Variants in CFAP57 observed in about 807,000 individuals in gnomAD.
CFAP57 encodes the protein cilia and flagella associated protein 57.
Under a neutral mutation model 146.8 loss-of-function variants are expected in CFAP57, and 116 were observed. The observed-to-expected ratio is 0.79, with a 90% CI of 0.68 to 0.92. The LOEUF (loss-of-function observed/expected upper bound fraction) is 0.92. Ranked by LOEUF, CFAP57 falls within the 40% of genes least tolerant of loss-of-function variation. The pLI, the probability that CFAP57 is intolerant of heterozygous loss-of-function variation, is 0.00. For synonymous variants in CFAP57, 518 were observed against 552.8 expected (o/e 0.94, Z 0.88); for missense variants, 1,377 against 1,527.2 (o/e 0.90, Z 1.64).
In CFAP57 at chr1:43,183,854, G is replaced by T. The variant is rs1557733783; in HGVS notation, c.738G>T (p.Leu246=). Residue 246 remains leucine (L), a synonymous_variant, in exon 4 of 23, where the codon CTG becomes CTT. Coordinates refer to ENST00000372492, the MANE Select transcript of CFAP57 (RefSeq NM_001378189.1). ...AACCTACCAATGGCTCAAAGAGCCT[G>T]GATGTCATTCAGGAATCAGAGAGGT... ...VKEPTNGSKS[L]DVIQESESLI... is the part of the protein sequence containing the mutation. 1.2e-6 allele frequency: 2 copies of T among 1,614,122 alleles called. No homozygotes were observed. Among genetic ancestry groups the T allele is most frequent in the South Asian group, 1.1e-5 (1 of 91,048 alleles).
At chr1:43,215,202 C>A in intron 11 of CFAP57, 53 bp from the exon 12 acceptor site, 1 of 1,548,520 alleles carries the variant, frequency 6.5e-7, no homozygotes. Flanking sequence ...TGGCTCAGCC[C>A]TGGTCATCTG....
At chr1:43,247,573 C>T (rs1296339519) in intron 22 of CFAP57, among the ~76,000 whole-genome samples, 1 of 152,166 alleles carries the variant, frequency 6.6e-6, no homozygotes, top group African/African-American at 2.4e-5. Context: ...GCCAAACCGC[C>T]AATGCATTTG....
At chr1:43,197,805 G>A in intron 7 of CFAP57, 113 bp downstream of exon 7, 4 of 1,454,586 alleles carry the variant, frequency 2.7e-6, no homozygotes, top group Non-Finnish European at 3.8e-6. Context: ...CTTTCAGTTG[G>A]AAAAGATTTT....
At chr1:43,193,169 A>C (rs996952890) in intron 6 of CFAP57, among the ~76,000 whole-genome samples, 1 of 152,184 alleles carries the variant, frequency 6.6e-6, no homozygotes, top group African/African-American at 2.4e-5. Context: ...GCCTGATCTT[A>C]CTGTAACCAC....
chr1:43,248,970 C>T (rs1310863404), intron 22 of CFAP57, among the ~76,000 whole-genome samples: 1 of 151,886 alleles, frequency 6.6e-6, no homozygotes, highest in Non-Finnish European at 1.5e-5. Flanking sequence ...CAAGCTCCGC[C>T]TCCCGGGTTC....
chr1:43,188,878 A>T (rs544103647), intron 6 of CFAP57, among the ~76,000 whole-genome samples: 1 of 152,356 alleles, frequency 6.6e-6, no homozygotes, highest in South Asian at 2.1e-4. Context: ...TAAGAGTTTC[A>T]TAGTGCTAGC....
Position 43,172,824 on chromosome 1 carries a change from A to C in CFAP57, c.71A>C (p.Tyr24Ser). ...TCCCACGTGGCCAACAATATCTTCT[A>C]CTTCGATGAACAGATCATTATATTT... The part of the protein sequence containing the change: ...LRSHVANNIF[Y>S]FDEQIIIFPS... The change falls in exon 2 of 23, where the codon TAC becomes TCC. Residue 24 changes from tyrosine (Y) to serine (S), a missense_variant. By Grantham distance (144) the Tyr-to-Ser change is moderately radical (BLOSUM62 -2). Coordinates refer to ENST00000372492, the MANE Select transcript of CFAP57 (RefSeq NM_001378189.1). The C allele has an allele frequency of 1.2e-6, 2 of 1,614,146 alleles. No individual in the cohort carries two copies. The highest frequency in any genetic ancestry group is 1.7e-6 in the Non-Finnish European group (2 of 1,179,992).
intron 6 of CFAP57, among the ~76,000 whole-genome samples, chr1:43,197,226 A>G (rs932963507): frequency 6.6e-5 from 10 of 151,970 alleles, no homozygotes; most frequent in East Asian, 1.9e-4. Flanking sequence ...GCATGGTGGC[A>G]GGCGCCTGCA....
intron 6 of CFAP57, among the ~76,000 whole-genome samples, chr1:43,195,532 GAA>G (rs1161812804): frequency 7.6e-6 from 1 of 131,782 alleles, no homozygotes; most frequent in Non-Finnish European, 1.7e-5. Context: ...AAGAAAAAAA[GAA>G]AAAAAAAAAA....
intron 5 of CFAP57, among the ~76,000 whole-genome samples, chr1:43,185,678 CAAAAAAAAA>C (rs57421849): frequency 1.5e-5 from 1 of 65,676 alleles, no homozygotes; most frequent in Non-Finnish European, 3.5e-5. Context: ...CCCATCTCTA[CAAAAAAAAA>C]AAAAAAAAAA....
chr1:43,233,113 A>G (rs1645539869), intron 19 of CFAP57, among the ~76,000 whole-genome samples: 1 of 152,216 alleles, frequency 6.6e-6, no homozygotes, highest in Non-Finnish European at 1.5e-5. Context: ...TAATAATGGA[A>G]TCTAGGTTTT....
At chr1:43,222,536 T>A (rs896779031) in intron 15 of CFAP57, among the ~76,000 whole-genome samples, 1 of 152,146 alleles carries the variant, frequency 6.6e-6, no homozygotes, top group Non-Finnish European at 1.5e-5. Context: ...GGGTGTCCAG[T>A]GAACAAGACC....
At chr1:43,241,562 G>A (rs898374342) in intron 21 of CFAP57, among the ~76,000 whole-genome samples, 1 of 152,012 alleles carries the variant, frequency 6.6e-6, no homozygotes, top group African/African-American at 2.4e-5. Context: ...GCCACCACTC[G>A]TGAGATAATG....
chr1:43,227,164 C>T (rs766345309), intron 18 of CFAP57, 38 bp downstream of exon 18: 23 of 1,475,922 alleles, frequency 1.6e-5, no homozygotes, highest in Non-Finnish European at 2.0e-5. Flanking sequence ...CTCTCAGACC[C>T]TCTGTCTCTT....
Position 43,232,500 on chromosome 1 carries a change from G to T in CFAP57, c.3010-8G>T. On this transcript the variant is annotated splice_polypyrimidine_tract_variant and splice_region_variant and intron_variant, in intron 18 of 22. Coordinates refer to ENST00000372492, the MANE Select transcript of CFAP57 (RefSeq NM_001378189.1). ...TTCTTCTTGACTCTTTTCCCTTGTTGTCTACAGATGGAAGCTGAACTGGAG... is the reference window on the plus strand; with the variant it reads ...TTCTTCTTGACTCTTTTCCCTTGTTTTCTACAGATGGAAGCTGAACTGGAG... 1 of 1,547,426 alleles carries T rather than the reference G, an allele frequency of 6.5e-7. No individual in the cohort carries two copies. The highest frequency in any genetic ancestry group is 1.2e-5 in the South Asian group (1 of 83,978).
intron 11 of CFAP57, chr1:43,211,642 CAT>C (rs1491536707): frequency 2.0e-5 from 3 of 151,264 alleles, no homozygotes; most frequent in African/African-American, 4.9e-5. Context: ...TCTACATTTC[CAT>C]GTGTGTGTGT....
In CFAP57 at chr1:43,232,562, A is replaced by G; in HGVS notation, c.3064A>G (p.Ile1022Val). 1 of 1,549,990 alleles carries G rather than the reference A, an allele frequency of 6.5e-7. No homozygotes were observed. The highest frequency in any genetic ancestry group is 8.7e-7 in the Non-Finnish European group (1 of 1,146,496). Reference protein sequence around the residue: ...HKQNTQLELNITELWQKLRAT... With the variant: ...HKQNTQLELNVTELWQKLRAT... ...GCAGAACACTCAACTGGAGCTGAAC[A>G]TCACAGAATTGTGGCAGAAACTGAG... The change falls in exon 19 of 23, where the codon ATC becomes GTC. Residue 1022 changes from isoleucine to valine, a missense_variant. Transcript: ENST00000372492.
At chr1:43,235,299 C>T (rs753859901) in intron 21 of CFAP57, among the ~76,000 whole-genome samples, 1 of 152,150 alleles carries the variant, frequency 6.6e-6, no homozygotes, top group African/African-American at 2.4e-5. Context: ...CACACAGGCA[C>T]GTTATCAGGA....
intron 12 of CFAP57, among the ~76,000 whole-genome samples, chr1:43,217,555 A>T (rs183857211): frequency 2.0e-5 from 3 of 152,194 alleles, no homozygotes; most frequent in African/African-American, 7.2e-5. Flanking sequence ...CCTTCTACCT[A>T]GGAGACAGCC....
Sources: allele counts gnomAD v4.1 joint callset (sites outside exome capture counted in the v4.1 genomes callset), GRCh38; gene constraint gnomAD v4.1.1; transcripts MANE v1.5; gene names NCBI Gene and HGNC (gene_info 2026-07-23, HGNC 2026-07-21).